The following CEP112 variants were observed in gnomAD, a reference collection of about 807,000 sequenced individuals.
CEP112 encodes centrosomal protein 112.
In CEP112, 127 loss-of-function variants were observed where a neutral mutation model predicts 153.0. The ratio of observed to expected loss-of-function variants is 0.83; its 90% CI spans 0.72 to 0.96. The LOEUF (loss-of-function observed/expected upper bound fraction) is 0.96, where lower values mean the gene tolerates loss of function less well. Ranked by LOEUF, CEP112 falls within the 40% of genes least tolerant of loss-of-function variation. CEP112 has a pLI of 0.00. For synonymous variants in CEP112, 358 were observed against 374.4 expected, an observed-to-expected ratio of 0.96 and a Z score of 0.51; for missense variants, 1,089 against 1,101.2, an observed-to-expected ratio of 0.99 and a Z score of 0.16.
At chr17:65,790,352 C>G (rs1240446628) in intron 21 of CEP112, among the ~76,000 whole-genome samples, 1 of 152,036 alleles carries the variant, frequency 6.6e-6, no homozygotes, top group African/African-American at 2.4e-5. Context: ...CAGGTAGAAG[C>G]CTGGGGAATA....
chr17:65,832,276 C>T (rs1045663377), intron 21 of CEP112, among the ~76,000 whole-genome samples: 2 of 151,962 alleles, frequency 1.3e-5, no homozygotes, highest in Admixed American at 1.3e-4. Context: ...AACATCACAA[C>T]TGAAAGACTT....
At chr17:65,826,039 C>A in intron 21 of CEP112, 7 of 1,200,394 alleles carry the variant, frequency 5.8e-6, no homozygotes, top group Non-Finnish European at 8.5e-6. Flanking sequence ...AATTCATCTC[C>A]TTGAGATGAA....
intron 23 of CEP112, among the ~76,000 whole-genome samples, chr17:65,696,508 G>A (rs1015054900): frequency 2.6e-5 from 4 of 152,102 alleles, no homozygotes; most frequent in South Asian, 2.1e-4. Flanking sequence ...AACTGGGGTC[G>A]GTAGAGTTGT....
At chr17:65,650,167 CTTG>C (rs761578341) in intron 24 of CEP112, among the ~76,000 whole-genome samples, 14 of 152,152 alleles carry the variant, frequency 9.2e-5, no homozygotes, top group Non-Finnish European at 1.9e-4. Flanking sequence ...ATTCTTCTTT[CTTG>C]TTGTGTGGGG....
At chr17:65,935,206 T>G (rs996131320) in intron 18 of CEP112, among the ~76,000 whole-genome samples, 6 of 152,174 alleles carry the variant, frequency 3.9e-5, no homozygotes, top group African/African-American at 1.4e-4. Context: ...GGGGCTCCAC[T>G]CATCAAACGG....
Position 65,650,730 on chromosome 17 carries a change from T to TAAAAA in CEP112, c.2698-9670_2698-9666dup, listed in dbSNP as rs71361240. 4.0e-3 allele frequency among the ~76,000 whole-genome samples: 175 copies of TAAAAA among 44,188 alleles called. 7 individuals are homozygous for TAAAAA. Among genetic ancestry groups the TAAAAA allele is most frequent in the Middle Eastern group, 0.034 (2 of 58 alleles). 29.0% of individuals were successfully genotyped at this position (44,188 alleles called of 152,430 possible). A position where few individuals can be genotyped will look rare whatever the true frequency, so the allele number is the denominator to read the frequency against. On this transcript the variant is annotated intron_variant, in intron 24 of 26. Coordinates refer to ENST00000535342, the MANE Select transcript of CEP112 (RefSeq NM_001199165.4). ...AGCCAACATGGTGAAAACTCTCTAC[T>TAAAAA]AAAAAAAAAAAAAAAAAAAAAAAAA...
chr17:66,005,694 A>T lies in CEP112; in HGVS notation c.1732T>A (p.Leu578Met). The change falls in exon 17 of 27, where the codon TTG becomes ATG. Residue 578 changes from leucine (L) to methionine (M), a missense_variant. Coordinates refer to ENST00000535342, the MANE Select transcript of CEP112 (RefSeq NM_001199165.4). ...QKKIHKFEEALKEKEEQLTRV... is the reference protein window; with the variant it reads ...QKKIHKFEEAMKEKEEQLTRV... ...ATGCATTACAATTTTACTCACTTCA[A>T]AGCTTCCTCAAATTTATGAATTTTC... 6.2e-7 allele frequency: 1 copy of T among 1,608,824 alleles called. No individual in the cohort carries two copies. The highest frequency in any genetic ancestry group is 1.3e-5 in the African/African-American group (1 of 74,820).
intron 17 of CEP112, among the ~76,000 whole-genome samples, chr17:65,969,833 ATAT>A (rs983362484): frequency 8.1e-6 from 1 of 122,704 alleles, no homozygotes; most frequent in Admixed American, 1.0e-4. Context: ...TATTACAAGC[ATAT>A]CATCTATATA....
intron 4 of CEP112, among the ~76,000 whole-genome samples, chr17:66,164,884 A>ATATG (rs892546337): frequency 1.1e-5 from 1 of 93,920 alleles, no homozygotes; most frequent in Admixed American, 1.3e-4. Flanking sequence ...ATACACACAT[A>ATATG]TATGTGTGTG....
At chr17:66,124,788 T>C (rs1476066513) in intron 6 of CEP112, among the ~76,000 whole-genome samples, 1 of 152,152 alleles carries the variant, frequency 6.6e-6, no homozygotes, top group Non-Finnish European at 1.5e-5. Context: ...AACTTCCCTC[T>C]CAATCGGCCT....
intron 17 of CEP112, among the ~76,000 whole-genome samples, chr17:65,966,474 C>T (rs1474749661): frequency 1.3e-5 from 2 of 152,288 alleles, no homozygotes; most frequent in East Asian, 1.9e-4. Flanking sequence ...TTACAGTATA[C>T]TTCATTTCCT....
intron 20 of CEP112, among the ~76,000 whole-genome samples, chr17:65,860,014 C>CAA (rs1186022956): frequency 9.1e-4 from 46 of 50,296 alleles, no homozygotes; most frequent in Middle Eastern, 0.016. Context: ...GACTCCATCT[C>CAA]AAAAAAAAAA....
chr17:65,664,327 G>T (rs531876061), intron 24 of CEP112, among the ~76,000 whole-genome samples: 8 of 152,338 alleles, frequency 5.3e-5, no homozygotes, highest in African/African-American at 1.9e-4. Context: ...CTGAGGGCTT[G>T]ACAGGAGATG....
chr17:65,971,014 G>A (rs1360729733), intron 17 of CEP112, among the ~76,000 whole-genome samples: 1 of 152,166 alleles, frequency 6.6e-6, no homozygotes, highest in Admixed American at 6.5e-5. Context: ...TATTTTGGAA[G>A]ATAATTATTG....
At chr17:65,751,001 A>G (rs750672395) in intron 21 of CEP112, 284 of 331,604 alleles carry the variant, frequency 8.6e-4, no homozygotes, top group Non-Finnish European at 1.3e-3. Context: ...AGACACAGCA[A>G]AAGTATGAAG....
intron 16 of CEP112, among the ~76,000 whole-genome samples, chr17:66,026,243 T>G (rs1376310714): frequency 2.6e-5 from 4 of 152,118 alleles, no homozygotes; most frequent in Non-Finnish European, 2.9e-5. Context: ...TATATCCATG[T>G]AAAAAAACTG....
intron 17 of CEP112, among the ~76,000 whole-genome samples, chr17:65,970,329 A>G (rs1470533940): frequency 1.4e-5 from 2 of 144,336 alleles, no homozygotes; most frequent in African/African-American, 2.6e-5. Flanking sequence ...AACATATTGC[A>G]TGCATATTAC....
intron 22 of CEP112, among the ~76,000 whole-genome samples, chr17:65,746,575 C>T (rs2051484960): frequency 6.6e-6 from 1 of 152,030 alleles, no homozygotes; most frequent in African/African-American, 2.4e-5. Flanking sequence ...AGGTAAGGAA[C>T]AAAACTCTAC....
chr17:66,111,099 G>T (rs2069020472), intron 6 of CEP112, among the ~76,000 whole-genome samples: 1 of 151,762 alleles, frequency 6.6e-6, no homozygotes, highest in African/African-American at 2.4e-5. Context: ...CAAGCATACG[G>T]AAAAAAAAGC....
Sources: gnomAD v4.1 joint callset for allele counts (sites outside exome capture counted in the v4.1 genomes callset) on GRCh38, gnomAD v4.1.1 for gene constraint, MANE v1.5 for transcripts, NCBI Gene and HGNC (gene_info 2026-07-23, HGNC 2026-07-21) for gene names.